ANGPT1: variants seen among roughly 807,000 people sequenced by gnomAD.
ANGPT1 encodes angiopoietin 1.
A neutral mutation model predicts 62.2 loss-of-function variants in ANGPT1; 17 were observed. The observed-to-expected ratio is 0.27, with a 90% CI of 0.19 to 0.41. The LOEUF (loss-of-function observed/expected upper bound fraction) is 0.41, where lower values mean the gene tolerates loss of function less well. ANGPT1 is among the 10% of genes least tolerant of loss of function. The probability of loss-of-function intolerance (pLI) is 1.00; values close to 1 mark genes in which losing one functional copy is unlikely to be tolerated. For missense variants in ANGPT1, 478 were observed against 594.9 expected, an observed-to-expected ratio of 0.80 and a Z score of 2.04; for synonymous variants, 199 against 198.9, an observed-to-expected ratio of 1.00 and a Z score of 0.00.
chr8:107,362,989 G>A (rs943234673), intron 1 of ANGPT1, among the ~76,000 whole-genome samples: 9 of 151,902 alleles, frequency 5.9e-5, no homozygotes, highest in African/African-American at 2.2e-4. Flanking sequence ...ATGTCTTGGT[G>A]AATTCCCACA....
rs569423630 is a variant in ANGPT1 at position 107,275,374 on chromosome 8, G to A, written c.1205+9308C>T. Among the ~76,000 whole-genome samples the A allele has an allele frequency of 3.3e-5, 5 of 152,206 alleles. No homozygotes were observed. In the South Asian group the frequency reaches 1.0e-3, roughly 32 times the overall value. On this transcript the variant is annotated intron_variant, in intron 7 of 8. Transcript: ENST00000517746. ...TTGTAGTTTCCTAGCAAGACGTGCT[G>A]AGTCTCACTTCTGAGCTAATCCCTC...
At chr8:107,443,471 A>G (rs1393683063) in intron 1 of ANGPT1, among the ~76,000 whole-genome samples, 1 of 152,166 alleles carries the variant, frequency 6.6e-6, no homozygotes, top group Non-Finnish European at 1.5e-5. Flanking sequence ...TATTCATGAT[A>G]TACTTAATAA....
chr8:107,252,419 C>A (rs1030742150), intron 8 of ANGPT1, among the ~76,000 whole-genome samples: 5 of 152,130 alleles, frequency 3.3e-5, no homozygotes, highest in African/African-American at 1.2e-4. Context: ...GGGAATAGAA[C>A]AATTAATTAT....
intron 2 of ANGPT1, among the ~76,000 whole-genome samples, chr8:107,342,782 T>TACACACACAC (rs751210643): frequency 4.8e-4 from 66 of 138,634 alleles, no homozygotes; most frequent in South Asian, 3.0e-3. Context: ...AACTGCCTAA[T>TACACACACAC]ACACACACAC....
At chr8:107,393,540 C>T (rs1288783513) in intron 1 of ANGPT1, among the ~76,000 whole-genome samples, 3 of 152,056 alleles carry the variant, frequency 2.0e-5, no homozygotes, top group Admixed American at 6.6e-5. Context: ...TTGGGTGCAG[C>T]GGCTCACGCC....
rs1344285210 is a variant in ANGPT1, at chr8:107,251,004, T to C, written c.*851A>G. ...ATATTATTTTAAGAACTTGATGATA[T>C]ATTTTACATTCTTTTAACTTTACTC... On this transcript the variant is annotated 3_prime_UTR_variant, in exon 9 of 9. Transcript: ENST00000517746. 2 of 152,130 alleles carry C rather than the reference T, an allele frequency of 1.3e-5. No homozygotes were observed. Among genetic ancestry groups the C allele is most frequent in the Non-Finnish European group, 1.5e-5 (1 of 67,992 alleles). 9.4% of individuals were successfully genotyped at this position (152,130 alleles called of 1,614,324 possible).
Position 107,483,562 on chromosome 8 carries a change from A to G in ANGPT1, c.297+13700T>C, listed in dbSNP as rs200718926. ...TGACTACTTTTTTCATATTCTTATC[A>G]TACTGATGAACTTTTAAAAAAATTC... On this transcript the variant is annotated intron_variant, in intron 1 of 8. Coordinates refer to ENST00000517746, the MANE Select transcript of ANGPT1 (RefSeq NM_001146.5). Among the ~76,000 whole-genome samples, 83 of 152,148 alleles carry G rather than the reference A, an allele frequency of 5.5e-4. 1 individual carries two copies. In the East Asian group the frequency reaches 0.015, roughly 27 times the overall value.
chr8:107,417,727 C>G (rs145557569), intron 1 of ANGPT1, among the ~76,000 whole-genome samples: 4 of 152,240 alleles, frequency 2.6e-5, no homozygotes, highest in African/African-American at 9.6e-5. Context: ...GGGCATATTA[C>G]TTTCTCTCTT....
chr8:107,440,799 T>C (rs1811455232), intron 1 of ANGPT1, among the ~76,000 whole-genome samples: 2 of 152,190 alleles, frequency 1.3e-5, no homozygotes, highest in Admixed American at 1.3e-4. Flanking sequence ...GTAGGTAATA[T>C]AGAATATTTT....
At chr8:107,298,015 T>C (rs1814461282) in intron 5 of ANGPT1, among the ~76,000 whole-genome samples, 1 of 151,916 alleles carries the variant, frequency 6.6e-6, no homozygotes, top group African/African-American at 2.4e-5. Flanking sequence ...GACAAGACCC[T>C]GCTACATTAA....
At chr8:107,307,858 G>A (rs1486585092) in intron 4 of ANGPT1, among the ~76,000 whole-genome samples, 1 of 152,006 alleles carries the variant, frequency 6.6e-6, no homozygotes, top group African/African-American at 2.4e-5. Context: ...TTGCCTGTTG[G>A]GCAGTCCTTC....
chr8:107,484,405 T>C (rs555094985), intron 1 of ANGPT1, among the ~76,000 whole-genome samples: 129 of 152,224 alleles, frequency 8.5e-4, no homozygotes, highest in African/African-American at 3.0e-3. Context: ...ATCATTATTT[T>C]TTTCTTTTTG....
chr8:107,363,087 CT>C (rs34681033), intron 1 of ANGPT1, among the ~76,000 whole-genome samples: 71,454 of 137,478 alleles, frequency 0.52, 19,733 homozygotes, highest in Non-Finnish European at 0.64. Flanking sequence ...AACCTGAGTG[CT>C]TTTTTTTTTT....
chr8:107,460,999 A>G (rs778318906), intron 1 of ANGPT1, among the ~76,000 whole-genome samples: 1 of 152,152 alleles, frequency 6.6e-6, no homozygotes, highest in African/African-American at 2.4e-5. Context: ...CTTGAACCTC[A>G]TAGCCACATT....
intron 4 of ANGPT1, among the ~76,000 whole-genome samples, chr8:107,306,235 A>G (rs1563560438): frequency 6.6e-6 from 1 of 152,084 alleles, no homozygotes. Context: ...CCTTCTAATT[A>G]AAACATAGCA....
intron 1 of ANGPT1, among the ~76,000 whole-genome samples, chr8:107,483,211 G>A (rs930725552): frequency 6.6e-6 from 1 of 152,084 alleles, no homozygotes; most frequent in Non-Finnish European, 1.5e-5. Context: ...CTTGCAAATT[G>A]CACAAGTTTG....
chr8:107,476,687 T>C (rs79884660), intron 1 of ANGPT1, among the ~76,000 whole-genome samples: 1 of 152,156 alleles, frequency 6.6e-6, no homozygotes, highest in East Asian at 1.9e-4. Context: ...TGTTATGTAA[T>C]ATTAAGAATT....
Position 107,473,417 on chromosome 8 carries a change from AT to A in ANGPT1, c.297+23844del, listed in dbSNP as rs538146968. The stretch of plus-strand genomic sequence containing the variant: ...GAATTCACATGCCTGCAAACATGTA[AT>A]GACCCAATTGAAAACACAAGGTCAG... On this transcript the variant is annotated intron_variant, in intron 1 of 8. Transcript: ENST00000517746. Among the ~76,000 whole-genome samples, 709 of 152,164 alleles carry A rather than the reference AT, an allele frequency of 4.7e-3. 1 individual carries two copies. The highest frequency in any genetic ancestry group is 6.5e-3 in the Non-Finnish European group (442 of 67,956).
At chr8:107,319,399 C>T (rs972541262) in intron 4 of ANGPT1, among the ~76,000 whole-genome samples, 6 of 151,962 alleles carry the variant, frequency 3.9e-5, no homozygotes, top group African/African-American at 4.8e-5. Flanking sequence ...TTTTGGATGA[C>T]GACACAGCTC....
Sources: allele counts gnomAD v4.1 joint callset (sites outside exome capture counted in the v4.1 genomes callset), GRCh38; gene constraint gnomAD v4.1.1; transcripts MANE v1.5; gene names NCBI Gene and HGNC (gene_info 2026-07-23, HGNC 2026-07-21).